The following PNPLA7 variants were observed in gnomAD, a reference collection of about 807,000 sequenced individuals.
PNPLA7 encodes patatin like domain 7, lysophospholipase.
PNPLA7 carries 153 observed loss-of-function variants against 161.7 expected under a neutral mutation model. The observed-to-expected ratio is 0.95, with a 90% CI of 0.83 to 1.08. The LOEUF is 1.08. PNPLA7 is among the 50% of genes least tolerant of loss of function. PNPLA7 has a pLI of 0.00. For missense variants in PNPLA7, 1,739 were observed against 1,856.6 expected (o/e 0.94, Z 1.16); for synonymous variants, 809 against 782.1 (o/e 1.03, Z -0.57).
Position 137,498,340 on chromosome 9 carries a change from C to T in PNPLA7, c.1758-95G>A, listed in dbSNP as rs563867814. On this transcript the variant is annotated intron_variant, in intron 16 of 34. Transcript: ENST00000406427. ...TCGGGAATGGATGGGACCCACAACCCCCACCCCACCCGGAAAGTAGAGAGA... is the reference window on the plus strand; with the variant it reads ...TCGGGAATGGATGGGACCCACAACCTCCACCCCACCCGGAAAGTAGAGAGA... The T allele has an allele frequency of 3.9e-6, 6 of 1,529,752 alleles. No individual in the cohort carries two copies. The East Asian group carries it at 1.4e-4, about 35-fold the overall frequency. 94.8% of individuals were successfully genotyped at this position (1,529,752 alleles called of 1,614,324 possible). A position where few individuals can be genotyped will look rare whatever the true frequency, so the allele number is the denominator to read the frequency against.
intron 25 of PNPLA7, among the ~76,000 whole-genome samples, chr9:137,470,102 C>T (rs1193598405): frequency 6.6e-6 from 1 of 152,112 alleles, no homozygotes; most frequent in African/African-American, 2.4e-5. Flanking sequence ...CAGCTCACTG[C>T]AGCCTCAACC....
intron 8 of PNPLA7, among the ~76,000 whole-genome samples, chr9:137,535,710 G>A (rs564763909): frequency 2.0e-5 from 3 of 148,132 alleles, no homozygotes; most frequent in African/African-American, 7.5e-5. Flanking sequence ...CTGAGATCAC[G>A]CCATTGCACT....
chr9:137,470,318 TTGGAAGGTTTTA>T (rs1193049967), intron 25 of PNPLA7, among the ~76,000 whole-genome samples: 3 of 152,212 alleles, frequency 2.0e-5, no homozygotes, highest in African/African-American at 7.2e-5. Flanking sequence ...GCCTGGCCTC[TTGGAAGGTTTTA>T]TGTAAAATTT....
intron 26 of PNPLA7, among the ~76,000 whole-genome samples, chr9:137,465,437 C>T (rs144557445): frequency 1.4e-3 from 218 of 152,318 alleles, no homozygotes; most frequent in African/African-American, 4.8e-3. Context: ...GACCCACAGA[C>T]GGAGGGACAG....
Position 137,546,811 on chromosome 9 carries a change from G to A in PNPLA7, c.273+19C>T, listed in dbSNP as rs755285520. On this transcript the variant is annotated intron_variant, in intron 4 of 34. Coordinates refer to ENST00000406427, the MANE Select transcript of PNPLA7 (RefSeq NM_001098537.3). ...CTCGAGGAAGCCGTGTGCAGCCTGG[G>A]GCCCCGAGCAACAGCTACCTTCCTC... The A allele has an allele frequency of 2.5e-6, 4 of 1,613,062 alleles. No homozygotes were observed. In the South Asian group the frequency reaches 4.4e-5, roughly 18 times the overall value.
chr9:137,509,596 A>G (rs1834108175), intron 12 of PNPLA7: 2 of 358,224 alleles, frequency 5.6e-6, no homozygotes, highest in Admixed American at 5.8e-5. Context: ...TTTAGCTGGT[A>G]CAAATGAGTT....
At chr9:137,487,758 T>C (rs1832562107) in intron 20 of PNPLA7, among the ~76,000 whole-genome samples, 1 of 151,944 alleles carries the variant, frequency 6.6e-6, no homozygotes, top group Admixed American at 6.6e-5. Flanking sequence ...CCACAGAGCC[T>C]CCAGTTCTAC....
Position 137,515,516 on chromosome 9 carries a change from T to C in PNPLA7, c.1088A>G (p.His363Arg). ...PRLQESCDSD[H>R]GGGRPAAAGP... ...AGCAGCTGCCGGGCGGCCGCCCCCG[T>C]GATCTGCTGGGGAGGCAGCCGTAAG... The change falls in exon 12 of 35, where the codon CAC (histidine) becomes CGC (arginine). Residue 363 changes from histidine to arginine, a missense_variant. Coordinates refer to ENST00000406427, the MANE Select transcript of PNPLA7 (RefSeq NM_001098537.3). 1 of 1,551,794 alleles carries C rather than the reference T, an allele frequency of 6.4e-7. No homozygotes were observed.
At chr9:137,463,361 G>A (rs527878259) in intron 29 of PNPLA7, 54 bp downstream of exon 29, 47 of 1,469,912 alleles carry the variant, frequency 3.2e-5, no homozygotes, top group Middle Eastern at 1.9e-4. Flanking sequence ...GCCGTGGGGC[G>A]GCGTGACCCA....
intron 6 of PNPLA7, 53 bp from the exon 7 acceptor site, chr9:137,542,854 C>T (rs1836283998): frequency 6.4e-7 from 1 of 1,573,106 alleles, no homozygotes; most frequent in Non-Finnish European, 8.7e-7. Context: ...GGAGGACGGC[C>T]TCTCCAAGAG....
At position 137,463,536 on chromosome 9, in the gene PNPLA7, G is replaced by A; in HGVS notation, c.3227-5C>T. ...GCACGTACCACCACAGGGAGCCTGGGGAGGGGGCCCGGAGCTGCTGGTTAC... is the reference window on the plus strand; with the variant it reads ...GCACGTACCACCACAGGGAGCCTGGAGAGGGGGCCCGGAGCTGCTGGTTAC... On this transcript the variant is annotated splice_polypyrimidine_tract_variant and splice_region_variant and intron_variant, in intron 28 of 34. Transcript: ENST00000406427. 6.4e-7 allele frequency: 1 copy of A among 1,572,114 alleles called. No homozygotes were observed. The highest frequency in any genetic ancestry group is 8.6e-7 in the Non-Finnish European group (1 of 1,158,124).
intron 12 of PNPLA7, among the ~76,000 whole-genome samples, chr9:137,506,911 C>T (rs529100815): frequency 7.9e-5 from 12 of 152,326 alleles, no homozygotes; most frequent in African/African-American, 2.6e-4. Context: ...TACTGGAATT[C>T]GCAACACCCA....
chr9:137,491,724 C>A (rs1375594297), intron 20 of PNPLA7: 1 of 985,364 alleles, frequency 1.0e-6, no homozygotes, highest in East Asian at 1.1e-4. Flanking sequence ...CTCTGTGCAT[C>A]CATCCGCTTC....
intron 10 of PNPLA7, among the ~76,000 whole-genome samples, chr9:137,521,398 G>C (rs768408748): frequency 6.6e-6 from 1 of 152,204 alleles, no homozygotes; most frequent in Non-Finnish European, 1.5e-5. Context: ...AGAGATTTTG[G>C]AACACAAGGC....
chr9:137,477,958 G>T (rs1241653870), intron 25 of PNPLA7, 76 bp downstream of exon 25: 1 of 1,177,240 alleles, frequency 8.5e-7, no homozygotes, highest in East Asian at 3.2e-5. Context: ...CCCGCACCCA[G>T]CACCTCCTAG....
rs918992011 is a variant in PNPLA7, at chr9:137,540,245, C to T, written c.747+397G>A. Among the ~76,000 whole-genome samples the T allele has an allele frequency of 2.6e-5, 4 of 152,144 alleles. No homozygotes were observed. Among genetic ancestry groups the T allele is most frequent in the South Asian group, 2.1e-4 (1 of 4,826 alleles). Reference sequence around the variant, plus strand: ...AAGACTGGGAGCCACAGAAAGACGGCGCCAGCAGGGAAGAGCCCAGCAGGA... The same window carrying T: ...AAGACTGGGAGCCACAGAAAGACGGTGCCAGCAGGGAAGAGCCCAGCAGGA... On this transcript the variant is annotated intron_variant, in intron 8 of 34. Coordinates refer to ENST00000406427, the MANE Select transcript of PNPLA7 (RefSeq NM_001098537.3). The surrounding 1 kb of genome is among the most constrained non-coding windows in gnomAD (Gnocchi z 5.1).
rs760888678 is a variant in PNPLA7 at position 137,462,184 on chromosome 9, T to A, written c.3640A>T (p.Ile1214Phe). Residue 1214 changes from isoleucine to phenylalanine, a missense_variant, in exon 31 of 35, where the codon ATC becomes TTC. By Grantham distance (21) the Ile-to-Phe change is conservative (BLOSUM62 0). Transcript: ENST00000406427. Reference protein sequence around the residue: ...STLDFGKFNEICEVGYQHGRT... With the variant: ...STLDFGKFNEFCEVGYQHGRT... ...CGCGGGTGGCCGGCACTCACGCAGA[T>A]CTCGTTGAACTTGCCGAAGTCCAGG... The A allele has an allele frequency of 6.4e-7, 1 of 1,564,604 alleles. No individual in the cohort carries two copies. The highest frequency in any genetic ancestry group is 8.7e-7 in the Non-Finnish European group (1 of 1,151,368).
At position 137,497,202 on chromosome 9, in the gene PNPLA7, T is replaced by A; in HGVS notation, c.1998A>T (p.Gly666=). ...KKRLAGEYGR[G]DLVGVVETLT... is the part of the protein sequence containing the mutation. Reference sequence around the variant, plus strand: ...CAGCACCTACCACGCCGACGAGGTCTCCTCGGCCGTACTCCCCGGCCAGGC... The same window carrying A: ...CAGCACCTACCACGCCGACGAGGTCACCTCGGCCGTACTCCCCGGCCAGGC... The change falls in exon 18 of 35, where the codon GGA becomes GGT. Residue 666 remains glycine, a synonymous_variant. Coordinates refer to ENST00000406427, the MANE Select transcript of PNPLA7 (RefSeq NM_001098537.3). 6.3e-7 allele frequency: 1 copy of A among 1,584,262 alleles called. No homozygotes were observed.
chr9:137,474,974 C>G (rs768208613), intron 25 of PNPLA7, among the ~76,000 whole-genome samples: 76 of 118,178 alleles, frequency 6.4e-4, no homozygotes, highest in Non-Finnish European at 1.0e-3. Flanking sequence ...GGAGCCGAGC[C>G]GAGATCGCTC....
Sources: gnomAD v4.1 joint callset for allele counts (sites outside exome capture counted in the v4.1 genomes callset) on GRCh38, gnomAD v4.1.1 for gene constraint, Gnocchi (gnomAD v3.1) non-coding constraint, MANE v1.5 for transcripts, NCBI Gene and HGNC (gene_info 2026-07-23, HGNC 2026-07-21) for gene names.